LIPC: variants seen among roughly 807,000 people sequenced by gnomAD.
The protein encoded by LIPC is lipase C, hepatic type, also known as hepatic triacylglycerol lipase.
A neutral mutation model predicts 50.7 loss-of-function variants in LIPC; 44 were observed. The observed-to-expected ratio is 0.87, with a 90% CI of 0.68 to 1.11. The LOEUF is 1.11. Ranked by LOEUF, LIPC falls within the 50% of genes most tolerant of loss-of-function variation. LIPC has a pLI of 0.00. For synonymous variants in LIPC, 271 were observed against 256.4 expected, an observed-to-expected ratio of 1.06 and a Z score of -0.54; for missense variants, 697 against 648.2, an observed-to-expected ratio of 1.08 and a Z score of -0.82.
At chr15:58,565,568 G>C in intron 8 of LIPC, 2 of 1,161,654 alleles carry the variant, frequency 1.7e-6, no homozygotes, top group Non-Finnish European at 1.1e-6. Flanking sequence ...TGGCTGTGCA[G>C]ATTAGGAACC....
chr15:58,566,196 A>T, intron 8 of LIPC: 1 of 985,402 alleles, frequency 1.0e-6, no homozygotes, highest in Non-Finnish European at 1.2e-6. Flanking sequence ...CCAGCATTAC[A>T]CAACCCGGGA....
intron 1 of LIPC, among the ~76,000 whole-genome samples, chr15:58,439,581 T>C (rs1470345350): frequency 2.0e-5 from 3 of 152,136 alleles, no homozygotes; most frequent in Non-Finnish European, 4.4e-5. Flanking sequence ...GTAGCCGCGA[T>C]TACAGACACA....
At chr15:58,441,337 T>G (rs1289591921) in intron 1 of LIPC, among the ~76,000 whole-genome samples, 1 of 152,242 alleles carries the variant, frequency 6.6e-6, no homozygotes, top group Admixed American at 6.5e-5. Flanking sequence ...TCTTCCATCT[T>G]AAAAATATCT....
At chr15:58,500,291 T>C (rs997898236) in intron 1 of LIPC, among the ~76,000 whole-genome samples, 1 of 151,976 alleles carries the variant, frequency 6.6e-6, no homozygotes, top group Admixed American at 6.6e-5. Flanking sequence ...GACTGCTGCA[T>C]AGGCTGTGAG....
intron 6 of LIPC, among the ~76,000 whole-genome samples, chr15:58,549,959 T>A (rs1423899360): frequency 6.6e-6 from 1 of 152,240 alleles, no homozygotes; most frequent in East Asian, 1.9e-4. Context: ...CAATGCCGCC[T>A]GGAGTGATTA....
chr15:58,480,346 G>A (rs1368211952), intron 1 of LIPC, among the ~76,000 whole-genome samples: 1 of 152,178 alleles, frequency 6.6e-6, no homozygotes, highest in African/African-American at 2.4e-5. Flanking sequence ...CCAAGCTGGA[G>A]AGCAGCGGCG....
At chr15:58,565,444 G>A (rs1274106331) in intron 8 of LIPC, 8 of 1,423,802 alleles carry the variant, frequency 5.6e-6, no homozygotes, top group Non-Finnish European at 7.3e-6. Flanking sequence ...GAAGAAATGA[G>A]GAGAGGGAGG....
chr15:58,500,345 C>T (rs971353486), intron 1 of LIPC, among the ~76,000 whole-genome samples: 10 of 152,136 alleles, frequency 6.6e-5, no homozygotes, highest in African/African-American at 9.7e-5. Flanking sequence ...GTGGTGATGA[C>T]GATGTTGGAA....
chr15:58,558,935 T>A (rs1473270241), intron 6 of LIPC, among the ~76,000 whole-genome samples: 1 of 152,134 alleles, frequency 6.6e-6, no homozygotes, highest in African/African-American at 2.4e-5. Context: ...CCAAGAGATA[T>A]CCCCACTCAC....
At chr15:58,446,561 G>A (rs17269264) in intron 1 of LIPC, among the ~76,000 whole-genome samples, 56,870 of 152,024 alleles carry the variant, frequency 0.37, 13,135 homozygotes, top group Non-Finnish European at 0.52. Context: ...AGTGTCTGAG[G>A]TTGTGAGCAT....
intron 1 of LIPC, among the ~76,000 whole-genome samples, chr15:58,526,584 G>A (rs9652472): frequency 0.76 from 116,401 of 152,188 alleles, 48,856 homozygotes; most frequent in Non-Finnish European, 0.95. Flanking sequence ...AAGGCACCGC[G>A]CCAAGCTACA....
chr15:58,495,704 G>C (rs1241274839), intron 1 of LIPC, among the ~76,000 whole-genome samples: 1 of 152,196 alleles, frequency 6.6e-6, no homozygotes, highest in Non-Finnish European at 1.5e-5. Context: ...TGCCCAAGCA[G>C]TCCAGAACCC....
At chr15:58,565,221 C>T (rs1894322901) in intron 8 of LIPC, 2 of 1,535,726 alleles carry the variant, frequency 1.3e-6, no homozygotes, top group African/African-American at 2.7e-5. Flanking sequence ...ACTGCTCGCT[C>T]CTCTTCTGCA....
chr15:58,516,179 T>A (rs568404281), intron 1 of LIPC, among the ~76,000 whole-genome samples: 4 of 151,642 alleles, frequency 2.6e-5, no homozygotes, highest in South Asian at 4.2e-4. Context: ...TGGGAAGACG[T>A]CTATTGAATT....
chr15:58,504,338 T>C (rs1161240343), intron 1 of LIPC, among the ~76,000 whole-genome samples: 2 of 152,216 alleles, frequency 1.3e-5, no homozygotes, highest in East Asian at 1.9e-4. Context: ...TTTATCTTTA[T>C]TATACATTAT....
At chr15:58,566,929 G>A (rs547400512) in intron 8 of LIPC, among the ~76,000 whole-genome samples, 7 of 152,162 alleles carry the variant, frequency 4.6e-5, no homozygotes, top group Non-Finnish European at 1.5e-5. Flanking sequence ...TAAATTACAG[G>A]CATTTTGTAG....
At chr15:58,468,827 A>G (rs1190049989) in intron 1 of LIPC, among the ~76,000 whole-genome samples, 1 of 152,170 alleles carries the variant, frequency 6.6e-6, no homozygotes, top group Non-Finnish European at 1.5e-5. Context: ...TTAATTCATT[A>G]AGGGTTTATG....
At chr15:58,535,217 C>T (rs1430846466) in intron 1 of LIPC, among the ~76,000 whole-genome samples, 2 of 152,248 alleles carry the variant, frequency 1.3e-5, no homozygotes, top group Non-Finnish European at 2.9e-5. Context: ...TTCAAGCTTG[C>T]ATCCCCCACC....
chr15:58,508,391 C>T (rs2140852240), intron 1 of LIPC, among the ~76,000 whole-genome samples: 1 of 152,230 alleles, frequency 6.6e-6, no homozygotes, highest in East Asian at 1.9e-4. Flanking sequence ...CAATATTAGT[C>T]CAGTCCAGTT....
Sources: allele counts gnomAD v4.1 joint callset (sites outside exome capture counted in the v4.1 genomes callset), GRCh38; gene constraint gnomAD v4.1.1; transcripts MANE v1.5; gene names NCBI Gene and HGNC (gene_info 2026-07-23, HGNC 2026-07-21).